PTPRD: variants seen among roughly 807,000 people sequenced by gnomAD.
PTPRD encodes the protein protein tyrosine phosphatase receptor type D.
A neutral mutation model predicts 214.5 loss-of-function variants in PTPRD; 34 were observed. The ratio of observed to expected loss-of-function variants is 0.16; its 90% CI spans 0.12 to 0.21. The LOEUF (loss-of-function observed/expected upper bound fraction) is 0.21, where lower values mean the gene tolerates loss of function less well. Among genes scored for constraint, PTPRD ranks in the 10% least tolerant of loss-of-function variants. The pLI, the probability that PTPRD is intolerant of heterozygous loss-of-function variation, is 1.00. For missense variants in PTPRD, 2,545 were observed against 2,398.7 expected (o/e 1.06, Z -1.27); for synonymous variants, 1,128 against 845.7 (o/e 1.33, Z -5.79).
At chr9:9,019,308 G>T (rs1376349325) in intron 10 of PTPRD, among the ~76,000 whole-genome samples, 4 of 103,112 alleles carry the variant, frequency 3.9e-5, no homozygotes, top group African/African-American at 1.2e-4. Context: ...AAGAAAGAAA[G>T]AAAGAAAGAA....
At chr9:9,400,637 A>G (rs1484725504) in intron 8 of PTPRD, among the ~76,000 whole-genome samples, 1 of 152,068 alleles carries the variant, frequency 6.6e-6, no homozygotes, top group Non-Finnish European at 1.5e-5. Flanking sequence ...AAATATAGAA[A>G]TCCTTCCAGT....
intron 14 of PTPRD, among the ~76,000 whole-genome samples, chr9:8,605,558 T>C: frequency 6.6e-6 from 1 of 152,202 alleles, no homozygotes; most frequent in East Asian, 1.9e-4. Context: ...GATGGGCTAG[T>C]TACTGTGAGT....
At chr9:10,114,354 G>T (rs575918294) in intron 3 of PTPRD, among the ~76,000 whole-genome samples, 1 of 152,230 alleles carries the variant, frequency 6.6e-6, no homozygotes, top group South Asian at 2.1e-4. Flanking sequence ...CAGCAGAAAA[G>T]CTTTCCTATA....
chr9:10,216,165 A>G (rs2099540167), intron 3 of PTPRD, among the ~76,000 whole-genome samples: 1 of 151,908 alleles, frequency 6.6e-6, no homozygotes, highest in Non-Finnish European at 1.5e-5. Flanking sequence ...GATTTGAATT[A>G]TTTTAACATA....
In PTPRD at chr9:8,733,910, G is replaced by C. The variant is rs1397560407; in HGVS notation, c.-67C>G. On this transcript the variant is annotated 5_prime_UTR_variant, in exon 12 of 46. Transcript: ENST00000381196. Reference sequence around the variant, plus strand: ...CTGCCTCCGGAGCCGCAGCGAGTCTGTCCGATCTGAAATTTCAGCTGGAAC... The same window carrying C: ...CTGCCTCCGGAGCCGCAGCGAGTCTCTCCGATCTGAAATTTCAGCTGGAAC... 1 of 1,480,696 alleles carries C rather than the reference G, an allele frequency of 6.8e-7. No individual in the cohort carries two copies. The highest frequency in any genetic ancestry group is 1.2e-5 in the South Asian group (1 of 82,558). The allele number at this position is 1,480,696 out of a possible 1,614,324, so 91.7% of individuals were successfully genotyped here.
chr9:10,495,343 G>C (rs1443543612), intron 2 of PTPRD, among the ~76,000 whole-genome samples: 2 of 151,806 alleles, frequency 1.3e-5, no homozygotes, highest in East Asian at 1.9e-4. Flanking sequence ...AGCTTAAATA[G>C]AAAATCCACT....
At chr9:8,709,253 A>G (rs62528773) in intron 12 of PTPRD, among the ~76,000 whole-genome samples, 10,150 of 152,140 alleles carry the variant, frequency 0.067, 415 homozygotes, top group Middle Eastern at 0.12. Context: ...AGTGGCTCGC[A>G]CCTGTAATGC....
chr9:10,459,130 T>G (rs79280061), intron 2 of PTPRD, among the ~76,000 whole-genome samples: 8 of 152,152 alleles, frequency 5.3e-5, no homozygotes, highest in Non-Finnish European at 1.5e-5. Flanking sequence ...CTCCCACTCA[T>G]GAGTAAGAAC....
chr9:9,909,369 T>A (rs1351970689), intron 5 of PTPRD, among the ~76,000 whole-genome samples: 1 of 151,046 alleles, frequency 6.6e-6, no homozygotes, highest in East Asian at 1.9e-4. Context: ...ACAAGATTGC[T>A]GGGGGCAGGG....
At chr9:10,282,205 T>C (rs1044561629) in intron 3 of PTPRD, among the ~76,000 whole-genome samples, 2 of 152,300 alleles carry the variant, frequency 1.3e-5, no homozygotes, top group African/African-American at 2.4e-5. Context: ...TAATATCCTT[T>C]GCTCTCTAAA....
At position 9,177,991 on chromosome 9, in the gene PTPRD, G is replaced by A. The variant is rs2099925954; in HGVS notation, c.-143+5313C>T. ...ATGTGCTGGGAAAGAGAGATCAGAT[G>A]ATGAAATATCTGGAACCCATCTCAT... On this transcript the variant is annotated intron_variant, in intron 10 of 45. Transcript: ENST00000381196. Among the ~76,000 whole-genome samples, 4 of 152,216 alleles carry A rather than the reference G, an allele frequency of 2.6e-5. No homozygotes were observed. In the South Asian group the frequency reaches 8.3e-4, roughly 32 times the overall value.
In PTPRD at chr9:9,686,647, A is replaced by T. The variant is rs1451162975; in HGVS notation, c.-287+47886T>A. ...TAGAAATTGGTGTTGATTTGGTAAC[A>T]ATTTATCAAATTCTACCCTTAACAT... is the stretch of plus-strand genomic sequence containing the variant. On this transcript the variant is annotated intron_variant, in intron 7 of 45. Coordinates refer to ENST00000381196, the MANE Select transcript of PTPRD (RefSeq NM_002839.4). Among the ~76,000 whole-genome samples, 92 of 151,706 alleles carry T rather than the reference A, an allele frequency of 6.1e-4. No individual in the cohort carries two copies. The Admixed American group carries it at 6.1e-3, about 10-fold the overall frequency.
intron 8 of PTPRD, among the ~76,000 whole-genome samples, chr9:9,421,997 A>G (rs528191305): frequency 1.3e-5 from 2 of 152,144 alleles, no homozygotes; most frequent in African/African-American, 4.8e-5. Flanking sequence ...TGAAAAAAAA[A>G]ACAAAAAAAC....
rs565678940 is a variant in PTPRD, at chr9:10,515,902, T to C, written c.-600+96496A>G. Among the ~76,000 whole-genome samples the C allele has an allele frequency of 5.2e-4, 79 of 152,052 alleles. 1 individual carries two copies. The South Asian group carries it at 0.016, about 31-fold the overall frequency. ...CAAGGCTCATCCATGTTGTCACATA[T>C]GGCAGAATTTTCTTTTTTATGGCTG... On this transcript the variant is annotated intron_variant, in intron 2 of 45. Coordinates refer to ENST00000381196, the MANE Select transcript of PTPRD (RefSeq NM_002839.4).
At chr9:9,267,844 A>C (rs1940768096) in intron 9 of PTPRD, among the ~76,000 whole-genome samples, 1 of 151,214 alleles carries the variant, frequency 6.6e-6, no homozygotes, top group Admixed American at 6.6e-5. Context: ...GATAAAAGCT[A>C]TACCCAAAAA....
intron 7 of PTPRD, among the ~76,000 whole-genome samples, chr9:9,614,456 G>T (rs918754618): frequency 2.0e-5 from 3 of 152,054 alleles, no homozygotes; most frequent in Non-Finnish European, 2.9e-5. Flanking sequence ...GTAAAAGACT[G>T]TTTAAAATAT....
At chr9:10,061,277 AAT>A (rs751227705) in intron 3 of PTPRD, among the ~76,000 whole-genome samples, 32 of 152,066 alleles carry the variant, frequency 2.1e-4, no homozygotes, top group Non-Finnish European at 1.0e-4. Flanking sequence ...AAAGAAGAAA[AAT>A]ATATAACTTG....
intron 3 of PTPRD, among the ~76,000 whole-genome samples, chr9:10,326,029 C>A (rs1469692536): frequency 6.6e-6 from 1 of 151,422 alleles, no homozygotes; most frequent in Non-Finnish European, 1.5e-5. Flanking sequence ...TTGTCCAAAC[C>A]GAGATTTTGA....
At chr9:9,161,378 T>A (rs967126646) in intron 10 of PTPRD, among the ~76,000 whole-genome samples, 10 of 152,126 alleles carry the variant, frequency 6.6e-5, no homozygotes, top group African/African-American at 2.4e-4. Context: ...AAATTGGAGA[T>A]CTAACTCTTC....
Sources: allele counts gnomAD v4.1 joint callset (sites outside exome capture counted in the v4.1 genomes callset), GRCh38; gene constraint gnomAD v4.1.1; transcripts MANE v1.5; gene names NCBI Gene and HGNC (gene_info 2026-07-23, HGNC 2026-07-21).